Variants in CFAP299 observed in about 807,000 individuals in gnomAD.
The protein encoded by CFAP299 is cilia and flagella associated protein 299.
CFAP299 carries 21 observed loss-of-function variants against 27.0 expected under a neutral mutation model. The ratio of observed to expected loss-of-function variants is 0.78; its 90% confidence interval spans 0.55 to 1.12. The LOEUF (loss-of-function observed/expected upper bound fraction) is 1.12, where lower values mean the gene tolerates loss of function less well. Ranked by LOEUF, CFAP299 falls within the 50% of genes most tolerant of loss-of-function variation. The pLI, the probability that CFAP299 is intolerant of heterozygous loss-of-function variation, is 0.00. For missense variants in CFAP299, 310 were observed against 276.6 expected (o/e 1.12, Z -0.86); for synonymous variants, 104 against 98.1 (o/e 1.06, Z -0.36).
At chr4:80,804,418 C>T (rs1278767700) in intron 3 of CFAP299, among the ~76,000 whole-genome samples, 1 of 151,988 alleles carries the variant, frequency 6.6e-6, no homozygotes, top group Non-Finnish European at 1.5e-5. Context: ...GTGTGATATC[C>T]TCAAGGTGCA....
chr4:80,355,437 A>G (rs1373167532), intron 1 of CFAP299, among the ~76,000 whole-genome samples: 1 of 139,936 alleles, frequency 7.1e-6, no homozygotes, highest in East Asian at 2.2e-4. Flanking sequence ...GGCTCACTGC[A>G]ACCTCCGCCT....
chr4:80,386,645 G>C (rs536280178), intron 2 of CFAP299: 1 of 1,593,946 alleles, frequency 6.3e-7, no homozygotes, highest in East Asian at 2.2e-5. Flanking sequence ...GTAGTAGCCC[G>C]TGTGGGCGCG....
chr4:80,770,681 T>G (rs1726161480), intron 3 of CFAP299, among the ~76,000 whole-genome samples: 1 of 152,224 alleles, frequency 6.6e-6, no homozygotes, highest in Admixed American at 6.5e-5. Context: ...AAAAACTGTT[T>G]CTTTGAAATC....
At chr4:80,937,387 C>G (rs59501911) in intron 4 of CFAP299, among the ~76,000 whole-genome samples, 4,769 of 136,164 alleles carry the variant, frequency 0.035, 202 homozygotes, top group African/African-American at 0.11. Flanking sequence ...TGTGATCACA[C>G]CTCACTCTAG....
intron 2 of CFAP299, among the ~76,000 whole-genome samples, chr4:80,375,512 T>C (rs1390748871): frequency 2.0e-5 from 3 of 152,172 alleles, no homozygotes; most frequent in Non-Finnish European, 2.9e-5. Flanking sequence ...GAACTCATGG[T>C]GAGTGATCCA....
chr4:80,793,517 T>G (rs1035315036), intron 3 of CFAP299, among the ~76,000 whole-genome samples: 8 of 152,052 alleles, frequency 5.3e-5, no homozygotes, highest in Non-Finnish European at 1.2e-4. Flanking sequence ...CCATCACAGG[T>G]CAACCCCTTG....
chr4:80,432,533 A>AT (rs58017511), intron 2 of CFAP299, among the ~76,000 whole-genome samples: 32,271 of 120,726 alleles, frequency 0.27, 6,186 homozygotes, highest in African/African-American at 0.41. Context: ...TTTACACTCT[A>AT]TTTTTTTTTT....
chr4:80,675,620 G>A (rs531548785), intron 3 of CFAP299, among the ~76,000 whole-genome samples: 42 of 152,314 alleles, frequency 2.8e-4, no homozygotes, highest in African/African-American at 9.1e-4. Flanking sequence ...GCTGCCTTTT[G>A]TTCAGCTATG....
intron 2 of CFAP299, among the ~76,000 whole-genome samples, chr4:80,468,447 T>C (rs1314273570): frequency 1.3e-5 from 2 of 152,012 alleles, no homozygotes; most frequent in South Asian, 2.1e-4. Context: ...TGGTCTCAAC[T>C]CCTGAGCTCA....
At chr4:80,500,486 A>AT (rs1731685954) in intron 2 of CFAP299, among the ~76,000 whole-genome samples, 1 of 152,158 alleles carries the variant, frequency 6.6e-6, no homozygotes, top group Non-Finnish European at 1.5e-5. Context: ...CTCTGTTAAT[A>AT]AAATTAGGCT....
chr4:80,688,455 G>T (rs1448617350), intron 3 of CFAP299, among the ~76,000 whole-genome samples: 1 of 151,928 alleles, frequency 6.6e-6, no homozygotes, highest in Non-Finnish European at 1.5e-5. Flanking sequence ...AGCCGGCCGG[G>T]TACTCCAACA....
At chr4:80,335,620 A>G, upstream of CFAP299, 1 of 662,336 alleles carries the variant, frequency 1.5e-6, no homozygotes, top group South Asian at 1.6e-5. Context: ...GAGGCAGAAG[A>G]CAGAAACTGC....
At chr4:80,837,184 A>G (rs1465991534) in intron 3 of CFAP299, among the ~76,000 whole-genome samples, 2 of 152,218 alleles carry the variant, frequency 1.3e-5, no homozygotes, top group Non-Finnish European at 2.9e-5. Context: ...AGAAAAGAAA[A>G]GCTAAAATTA....
intron 3 of CFAP299, among the ~76,000 whole-genome samples, chr4:80,584,226 C>G (rs368907973): frequency 6.6e-6 from 1 of 151,880 alleles, no homozygotes; most frequent in East Asian, 1.9e-4. Flanking sequence ...TGAGCTATTA[C>G]GAATGCATTT....
At chr4:80,717,889 C>T (rs1578054095) in intron 3 of CFAP299, among the ~76,000 whole-genome samples, 1 of 152,060 alleles carries the variant, frequency 6.6e-6, no homozygotes, top group East Asian at 1.9e-4. Context: ...CCCCATTTCA[C>T]AAAGATGTTT....
the CFAP299 span, among the ~76,000 whole-genome samples, chr4:80,323,979 T>A: frequency 3.3e-5 from 5 of 152,316 alleles, no homozygotes; most frequent in East Asian, 7.7e-4. Context: ...CTCCTTTTTT[T>A]AAATTTTACT....
intron 4 of CFAP299, among the ~76,000 whole-genome samples, chr4:80,899,768 A>G (rs1734792976): frequency 6.6e-6 from 1 of 152,202 alleles, no homozygotes; most frequent in African/African-American, 2.4e-5. Flanking sequence ...GCTCTGCTTC[A>G]GCTACATTGG....
At chr4:80,953,642 C>G (rs903066989) in intron 5 of CFAP299, among the ~76,000 whole-genome samples, 2 of 151,958 alleles carry the variant, frequency 1.3e-5, no homozygotes, top group African/African-American at 4.8e-5. Flanking sequence ...AGGAACAACC[C>G]CCAGAGATAA....
At chr4:80,582,541 G>A (rs1260889089) in intron 2 of CFAP299, among the ~76,000 whole-genome samples, 2 of 151,802 alleles carry the variant, frequency 1.3e-5, no homozygotes, top group African/African-American at 4.8e-5. Context: ...TGAGATCTTT[G>A]TGATACATTT....
Sources: allele counts gnomAD v4.1 joint callset (sites outside exome capture counted in the v4.1 genomes callset), GRCh38; gene constraint gnomAD v4.1.1; transcripts MANE v1.5; gene names NCBI Gene and HGNC (gene_info 2026-07-23, HGNC 2026-07-21).